The following EXOC4 variants were observed in gnomAD, a reference collection of about 807,000 sequenced individuals.
EXOC4 encodes exocyst complex component 4, also known as SEC8-like 1.
A neutral mutation model predicts 107.2 loss-of-function variants in EXOC4; 71 were observed. The observed-to-expected ratio is 0.66, with a 90% confidence interval of 0.55 to 0.81. EXOC4 has a LOEUF of 0.81. Among genes scored for constraint, EXOC4 ranks in the 30% least tolerant of loss-of-function variants. The pLI is 0.00. For missense variants in EXOC4, 1,108 were observed against 1,189.6 expected (o/e 0.93, Z 1.01); for synonymous variants, 456 against 441.2 (o/e 1.03, Z -0.42).
rs560822688 is a variant in EXOC4, at chr7:133,831,343, A to G, written c.1734+13799A>G. On this transcript the variant is annotated intron_variant, in intron 11 of 17. Coordinates refer to ENST00000253861, the MANE Select transcript of EXOC4 (RefSeq NM_021807.4). ...TCTACTTCCTTAACGATGGAGTATC[A>G]GTATAAATGATTTAGAATGCTTCTA... is the stretch of plus-strand genomic sequence containing the variant. Among the ~76,000 whole-genome samples the G allele has an allele frequency of 3.1e-4, 47 of 152,320 alleles. 1 individual carries two copies. The highest frequency in any genetic ancestry group is 4.9e-4 in the Non-Finnish European group (33 of 68,030).
chr7:133,326,520 G>T (rs1795245291), intron 5 of EXOC4, among the ~76,000 whole-genome samples: 1 of 152,170 alleles, frequency 6.6e-6, no homozygotes, highest in Non-Finnish European at 1.5e-5. Flanking sequence ...CTGCAGAACA[G>T]TGAATATTGC....
At chr7:134,085,001 T>G in the EXOC4 span, among the ~76,000 whole-genome samples, 1 of 152,174 alleles carries the variant, frequency 6.6e-6, no homozygotes, top group African/African-American at 2.4e-5. Context: ...CGTTTGCCTT[T>G]TTTGAACACA....
At chr7:133,562,983 C>T (rs145245317) in intron 9 of EXOC4, among the ~76,000 whole-genome samples, 2 of 152,002 alleles carry the variant, frequency 1.3e-5, no homozygotes, top group African/African-American at 4.8e-5. Flanking sequence ...CATGAAGTCA[C>T]GAAAGGAGGA....
intron 13 of EXOC4, among the ~76,000 whole-genome samples, chr7:133,932,911 GGAGAGAGA>G (rs10561566): frequency 2.7e-5 from 4 of 149,288 alleles, no homozygotes; most frequent in East Asian, 3.9e-4. Context: ...AATAGGACCA[GGAGAGAGA>G]GAGAGAGAGA....
At chr7:133,661,095 A>G (rs755154059) in intron 10 of EXOC4, among the ~76,000 whole-genome samples, 2 of 152,176 alleles carry the variant, frequency 1.3e-5, no homozygotes, top group African/African-American at 2.4e-5. Context: ...AATGCCAGGC[A>G]GGGCATTTTC....
intron 13 of EXOC4, among the ~76,000 whole-genome samples, chr7:133,920,232 G>T (rs572710737): frequency 1.3e-5 from 2 of 152,202 alleles, no homozygotes; most frequent in South Asian, 4.1e-4. Flanking sequence ...TTGGGTTATG[G>T]GTGTTCTTGT....
intron 9 of EXOC4, among the ~76,000 whole-genome samples, chr7:133,568,659 A>T (rs1323009885): frequency 6.6e-6 from 1 of 152,174 alleles, no homozygotes; most frequent in Non-Finnish European, 1.5e-5. Context: ...CATAGAGCAT[A>T]TTAAAACTTA....
At position 133,756,977 on chromosome 7, in the gene EXOC4, G is replaced by A. The variant is rs370605024; in HGVS notation, c.1515-60348G>A. ...AGAAGGGGAAAATGGGCAAGGTCAC[G>A]ATGGTCTAGCTGCTTTTTAAAAATA... is the stretch of plus-strand genomic sequence containing the variant. On this transcript the variant is annotated intron_variant, in intron 10 of 17. Transcript: ENST00000253861. 5.3e-5 allele frequency among the ~76,000 whole-genome samples: 8 copies of A among 152,286 alleles called. No individual in the cohort carries two copies. In the East Asian group the frequency reaches 5.8e-4, roughly 11 times the overall value.
chr7:133,669,004 ATTTTTTTT>A (rs58354607), intron 10 of EXOC4, among the ~76,000 whole-genome samples: 40 of 118,444 alleles, frequency 3.4e-4, no homozygotes, highest in Admixed American at 1.5e-3. Flanking sequence ...TGTTCTCCCA[ATTTTTTTT>A]TTTTTTTTTT....
At chr7:133,411,156 A>G (rs1797346511) in intron 7 of EXOC4, among the ~76,000 whole-genome samples, 1 of 152,130 alleles carries the variant, frequency 6.6e-6, no homozygotes, top group Admixed American at 6.6e-5. Flanking sequence ...CTATACCCCA[A>G]ATTATGGTCA....
chr7:133,763,319 C>A (rs902766525), intron 10 of EXOC4, among the ~76,000 whole-genome samples: 3 of 152,086 alleles, frequency 2.0e-5, no homozygotes, highest in Admixed American at 2.0e-4. Flanking sequence ...CAGGCTGTAA[C>A]AAATTAAAAT....
intron 5 of EXOC4, among the ~76,000 whole-genome samples, chr7:133,352,702 A>AT (rs907880784): frequency 3.3e-5 from 5 of 151,420 alleles, no homozygotes; most frequent in African/African-American, 7.3e-5. Flanking sequence ...TATATGCATT[A>AT]TTTTTTTTAC....
At chr7:133,347,162 T>C (rs1795801239) in intron 5 of EXOC4, among the ~76,000 whole-genome samples, 1 of 152,190 alleles carries the variant, frequency 6.6e-6, no homozygotes, top group Admixed American at 6.5e-5. Flanking sequence ...TATGTTATTT[T>C]TTAAGTGAGC....
At chr7:133,994,207 A>G (rs1341823620) in intron 14 of EXOC4, among the ~76,000 whole-genome samples, 3 of 152,226 alleles carry the variant, frequency 2.0e-5, no homozygotes. Context: ...GAGTGAGAAC[A>G]TGCAGTGTTT....
intron 16 of EXOC4, 114 bp from the exon 17 acceptor site, chr7:134,007,562 G>C (rs1362248845): frequency 1.1e-6 from 1 of 934,882 alleles, no homozygotes; most frequent in Admixed American, 3.4e-5. Flanking sequence ...GATTTTCTTT[G>C]GTCGTTTAAA....
At chr7:133,310,096 T>C (rs930746026) in intron 4 of EXOC4, among the ~76,000 whole-genome samples, 1 of 152,198 alleles carries the variant, frequency 6.6e-6, no homozygotes, top group Admixed American at 6.5e-5. Context: ...GTGTGAAGTT[T>C]TGTTTTCGAC....
chr7:133,950,923 G>A (rs191755114), intron 14 of EXOC4, among the ~76,000 whole-genome samples: 31 of 152,136 alleles, frequency 2.0e-4, no homozygotes, highest in African/African-American at 6.0e-4. Context: ...TCCAATTAAC[G>A]CATTTGTTCA....
intron 10 of EXOC4, among the ~76,000 whole-genome samples, chr7:133,677,976 A>T (rs1794102441): frequency 6.6e-6 from 1 of 152,198 alleles, no homozygotes; most frequent in Admixed American, 6.5e-5. Context: ...TGTACTCTAA[A>T]ACTTGCAATT....
At chr7:133,762,129 A>G (rs945145833) in intron 10 of EXOC4, among the ~76,000 whole-genome samples, 4 of 152,168 alleles carry the variant, frequency 2.6e-5, no homozygotes, top group Non-Finnish European at 5.9e-5. Context: ...GAGACCAGAG[A>G]TATGTATTTT....
Sources: gnomAD v4.1 joint callset for allele counts (sites outside exome capture counted in the v4.1 genomes callset) on GRCh38, gnomAD v4.1.1 for gene constraint, MANE v1.5 for transcripts, NCBI Gene and HGNC (gene_info 2026-07-23, HGNC 2026-07-21) for gene names.